The following KCNN2 variants were observed in gnomAD, a reference collection of about 807,000 sequenced individuals.
KCNN2 encodes small conductance calcium-activated potassium channel protein 2.
In KCNN2, 24 loss-of-function variants were observed where a neutral mutation model predicts 55.5. That is an observed-to-expected ratio of 0.43 (90% CI 0.31 to 0.61). The LOEUF (loss-of-function observed/expected upper bound fraction) is 0.61. Ranked by LOEUF, KCNN2 falls within the 20% of genes least tolerant of loss-of-function variation. The pLI is 0.08. For synonymous variants in KCNN2, 431 were observed against 336.1 expected, an observed-to-expected ratio of 1.28 and a Z score of -3.09; for missense variants, 754 against 853.6, an observed-to-expected ratio of 0.88 and a Z score of 1.45.
rs116368968 is a variant in KCNN2, at chr5:114,079,558, A to G, written c.-271+23058A>G. 6.0e-3 allele frequency among the ~76,000 whole-genome samples: 910 copies of G among 152,212 alleles called. 10 individuals carry two copies. Among genetic ancestry groups the G allele is most frequent in the African/African-American group, 0.021 (877 of 41,512 alleles). On this transcript the variant is annotated intron_variant, in intron 1 of 10. Coordinates refer to the KCNN2 transcript ENST00000512097. ...CTCTCTAAGTCTCAATTACTCTAGG[A>G]TAGATATAATAATGCCTAGTGTATA...
chr5:114,258,741 T>G (rs1263617390), intron 2 of KCNN2, among the ~76,000 whole-genome samples: 8 of 152,172 alleles, frequency 5.3e-5, no homozygotes, highest in Admixed American at 5.2e-4. Context: ...AGACAATATC[T>G]CCAGGCTGCA....
intron 4 of KCNN2, among the ~76,000 whole-genome samples, chr5:114,464,560 A>G (rs1046576637): frequency 2.0e-5 from 3 of 152,174 alleles, no homozygotes; most frequent in Non-Finnish European, 1.5e-5. Context: ...GACTGCTCCA[A>G]GAGTCACAGC....
intron 3 of KCNN2, among the ~76,000 whole-genome samples, chr5:114,411,156 T>C (rs1283004625): frequency 1.3e-5 from 2 of 152,144 alleles, no homozygotes; most frequent in Non-Finnish European, 2.9e-5. Context: ...GTCTTAAAAG[T>C]ATATTTTGTT....
At chr5:114,235,768 T>G (rs560755124) in intron 2 of KCNN2, among the ~76,000 whole-genome samples, 1 of 152,340 alleles carries the variant, frequency 6.6e-6, no homozygotes, top group Non-Finnish European at 1.5e-5. Context: ...TACTATCTAC[T>G]TTGAGATTAA....
intron 3 of KCNN2, among the ~76,000 whole-genome samples, chr5:114,426,244 A>C (rs1245265667): frequency 6.6e-6 from 1 of 152,136 alleles, no homozygotes; most frequent in Non-Finnish European, 1.5e-5. Flanking sequence ...AACAAATCCA[A>C]AGGGTGGTAG....
chr5:114,240,123 A>T (rs1383451380), intron 2 of KCNN2, among the ~76,000 whole-genome samples: 1 of 152,126 alleles, frequency 6.6e-6, no homozygotes, highest in Admixed American at 6.5e-5. Flanking sequence ...AAAATTAAAT[A>T]AAATGTTGGC....
At chr5:114,080,140 C>T (rs1351178662) in intron 1 of KCNN2, among the ~76,000 whole-genome samples, 1 of 152,152 alleles carries the variant, frequency 6.6e-6, no homozygotes, top group Non-Finnish European at 1.5e-5. Flanking sequence ...GTGTCTCCTC[C>T]ACACTCTTCT....
upstream of KCNN2, among the ~76,000 whole-genome samples, chr5:114,357,084 C>T (rs549590770): frequency 3.3e-5 from 5 of 152,156 alleles, no homozygotes; most frequent in African/African-American, 1.2e-4. Context: ...AATTTTCCTT[C>T]AGACCACCCC....
intron 1 of KCNN2, among the ~76,000 whole-genome samples, chr5:114,208,062 C>G (rs1753810243): frequency 1.3e-5 from 2 of 152,160 alleles, no homozygotes; most frequent in Admixed American, 1.3e-4. Context: ...TATTGAGTCT[C>G]TGCATATTAG....
At chr5:114,361,784 G>T (rs1757428633), upstream of KCNN2, among the ~76,000 whole-genome samples, 1 of 152,190 alleles carries the variant, frequency 6.6e-6, no homozygotes, top group Admixed American at 6.5e-5. Flanking sequence ...CAGCCCAGCT[G>T]CACTGCGTGG....
At chr5:114,368,436 A>G (rs989353105) in intron 2 of KCNN2, among the ~76,000 whole-genome samples, 1 of 152,156 alleles carries the variant, frequency 6.6e-6, no homozygotes, top group Non-Finnish European at 1.5e-5. Context: ...AAGGCCACAG[A>G]AAACAGGAAA....
At chr5:114,391,843 G>A (rs1580783124) in intron 2 of KCNN2, among the ~76,000 whole-genome samples, 1 of 152,208 alleles carries the variant, frequency 6.6e-6, no homozygotes, top group African/African-American at 2.4e-5. Flanking sequence ...CTGGTTCAGT[G>A]GCTTAAGATA....
intron 3 of KCNN2, among the ~76,000 whole-genome samples, chr5:114,455,177 A>G (rs1051460389): frequency 1.3e-5 from 2 of 152,024 alleles, no homozygotes; most frequent in Admixed American, 6.6e-5. Context: ...TGCATTTTTT[A>G]CAAACTGAAG....
At chr5:114,464,098 C>T (rs971468738) in intron 4 of KCNN2, among the ~76,000 whole-genome samples, 1 of 152,152 alleles carries the variant, frequency 6.6e-6, no homozygotes, top group Non-Finnish European at 1.5e-5. Context: ...TGGCATGCCT[C>T]ATAGGCTCAG....
Position 114,247,202 on chromosome 5 carries a change from CAAAAAA to C in KCNN2, c.-185+25653_-185+25658del, listed in dbSNP as rs370172975. The stretch of plus-strand genomic sequence containing the variant: ...AGCCAGGCATGGTACCATATGTCTC[CAAAAAA>C]AAAAAAAAAAAAAAAGAAAAGAAAA... On this transcript the variant is annotated intron_variant, in intron 2 of 10. Transcript: ENST00000512097. Among the ~76,000 whole-genome samples, 7 of 68,096 alleles carry C rather than the reference CAAAAAA, an allele frequency of 1.0e-4. No individual in the cohort carries two copies. In the South Asian group the frequency reaches 2.5e-3, roughly 24 times the overall value. 44.7% of individuals were successfully genotyped at this position (68,096 alleles called of 152,430 possible).
chr5:114,227,503 A>G (rs1754260766), intron 2 of KCNN2, among the ~76,000 whole-genome samples: 2 of 152,098 alleles, frequency 1.3e-5, no homozygotes, highest in Non-Finnish European at 2.9e-5. Context: ...TGCCCATACA[A>G]CTTGTTTTCT....
intron 1 of KCNN2, among the ~76,000 whole-genome samples, chr5:114,118,471 G>A (rs1751762649): frequency 1.3e-5 from 2 of 152,092 alleles, no homozygotes; most frequent in Non-Finnish European, 1.5e-5. Context: ...AGAACCAGAG[G>A]TGTAAATCCT....
chr5:114,368,335 T>G (rs1757665310), intron 2 of KCNN2, among the ~76,000 whole-genome samples: 1 of 152,204 alleles, frequency 6.6e-6, no homozygotes, highest in South Asian at 2.1e-4. Flanking sequence ...AATAACTCTT[T>G]TCATCATCTT....
At chr5:114,064,013 G>A (rs1338706468) in intron 1 of KCNN2, among the ~76,000 whole-genome samples, 1 of 152,172 alleles carries the variant, frequency 6.6e-6, no homozygotes. Context: ...GTGGATCAGG[G>A]ATTCCCAGAC....
Sources: gnomAD v4.1 joint callset for allele counts (sites outside exome capture counted in the v4.1 genomes callset) on GRCh38, gnomAD v4.1.1 for gene constraint, MANE v1.5 for transcripts, NCBI Gene and HGNC (gene_info 2026-07-23, HGNC 2026-07-21) for gene names.